PRPF6: variants seen among roughly 807,000 people sequenced by gnomAD.
PRPF6 encodes pre-mRNA processing factor 6, also known as pre-mRNA-processing factor 6.
A neutral mutation model predicts 118.3 loss-of-function variants in PRPF6; 42 were observed. The observed-to-expected ratio is 0.35, with a 90% CI of 0.28 to 0.46. The LOEUF (loss-of-function observed/expected upper bound fraction) is 0.46, where lower values mean the gene tolerates loss of function less well. Ranked by LOEUF, PRPF6 falls within the 20% of genes least tolerant of loss-of-function variation. The probability of loss-of-function intolerance (pLI) is 1.00; values close to 1 mark genes in which losing one functional copy is unlikely to be tolerated. For synonymous variants in PRPF6, 481 were observed against 485.1 expected (o/e 0.99, Z 0.11); for missense variants, 662 against 1,255.7 (o/e 0.53, Z 7.15).
At chr20:63,982,483 T>C (rs746512490) in intron 1 of PRPF6, among the ~76,000 whole-genome samples, 1 of 152,192 alleles carries the variant, frequency 6.6e-6, no homozygotes. Flanking sequence ...AATTTTTTAC[T>C]CAGAGCTGTG....
chr20:64,014,015 G>T (rs1413546566), intron 11 of PRPF6, among the ~76,000 whole-genome samples: 2 of 151,322 alleles, frequency 1.3e-5, no homozygotes, highest in Admixed American at 6.6e-5. Context: ...TTGGCTCTCT[G>T]CCACATTTGC....
Position 63,999,715 on chromosome 20 carries a change from G to T in PRPF6, c.979G>T (p.Val327Leu). The part of the protein sequence containing the change: ...RLEEVTGKLQ[V>L]ARNLIMKGTE... ...GGAAGAAGTCACTGGGAAGCTACAA[G>T]TAGCTCGGAACCTTATCATGAAGGG... The change falls in exon 8 of 21, where the codon GTA (valine) becomes TTA (leucine). Residue 327 changes from valine (V) to leucine (L), a missense_variant. Transcript: ENST00000266079. The T allele has an allele frequency of 6.2e-7, 1 of 1,614,214 alleles. No individual in the cohort carries two copies. Among genetic ancestry groups the T allele is most frequent in the Non-Finnish European group, 8.5e-7 (1 of 1,180,042 alleles).
In PRPF6 at chr20:64,026,132, G is replaced by T; in HGVS notation, c.2028+74G>T. 6.3e-7 allele frequency: 1 copy of T among 1,589,268 alleles called. No homozygotes were observed. Among genetic ancestry groups the T allele is most frequent in the Non-Finnish European group, 8.5e-7 (1 of 1,175,668 alleles). ...CATGCGGGCCCCACGCCTGGCTTGG[G>T]TGGTGATGGGAGTGAGATGACGGCA... On this transcript the variant is annotated intron_variant, in intron 15 of 20. Coordinates refer to ENST00000266079, the MANE Select transcript of PRPF6 (RefSeq NM_012469.4). This position sits in a 1 kb window ranked among gnomAD's most constrained non-coding sequence, Gnocchi z 4.4.
rs1315843709 is a variant in PRPF6 at position 64,029,483 on chromosome 20, C to T, written c.2538C>T (p.Ala846=). The T allele has an allele frequency of 2.0e-5, 32 of 1,613,952 alleles. No homozygotes were observed. The highest frequency in any genetic ancestry group is 5.5e-5 in the South Asian group (5 of 91,090). ...KCEHDPHVLL[A]VAKLFWSQRK... ...AGCATGACCCCCATGTGCTCCTGGC[C>T]GTGGCCAAGTGAGTGGGGCCCCCAC... Residue 846 remains alanine, a synonymous_variant, in exon 19 of 21, where the codon GCC becomes GCT. Coordinates refer to ENST00000266079, the MANE Select transcript of PRPF6 (RefSeq NM_012469.4). This position sits in a 1 kb window ranked among gnomAD's most constrained non-coding sequence, Gnocchi z 4.8.
chr20:63,983,150 C>T lies in PRPF6; in HGVS notation c.175C>T (p.Gln59Ter), dbSNP rs774774755. 6.2e-7 allele frequency: 1 copy of T among 1,614,106 alleles called. No individual in the cohort carries two copies. Among genetic ancestry groups the T allele is most frequent in the Non-Finnish European group, 8.5e-7 (1 of 1,180,030 alleles). ...CCCAGGCAAGAGAACCGTTGGGGAC[C>T]AGATGAAGAAAAATCAGGCTGCTGA... ...APPGKRTVGDQMKKNQAADDD... is the reference protein window; with the variant it reads ...APPGKRTVGD Residue 59 changes from glutamine (Q) to a stop codon, truncating the protein, a stop_gained, in exon 2 of 21, where the codon CAG (glutamine) becomes TAG (stop). Coordinates refer to ENST00000266079, the MANE Select transcript of PRPF6 (RefSeq NM_012469.4). LOFTEE classifies it high-confidence loss of function.
At position 64,028,077 on chromosome 20, in the gene PRPF6, A is replaced by G. The variant is rs57593633; in HGVS notation, c.2339+341A>G. Among the ~76,000 whole-genome samples the G allele has an allele frequency of 2.8e-3, 428 of 152,248 alleles. 3 individuals are homozygous for G. The highest frequency in any genetic ancestry group is 0.01 in the African/African-American group (417 of 41,552). On this transcript the variant is annotated intron_variant, in intron 17 of 20. Transcript: ENST00000266079. The surrounding 1 kb of genome is among the most constrained non-coding windows in gnomAD (Gnocchi z 6.5). ...GGCGTGGAGAGCCCTGGAGGTGGAC[A>G]GGAGCCTGCTAGGTGCAGGCTCTGT...
chr20:63,991,745 G>A (rs376847767), intron 3 of PRPF6, among the ~76,000 whole-genome samples: 4 of 151,656 alleles, frequency 2.6e-5, no homozygotes, highest in East Asian at 3.9e-4. Context: ...AGCTGAGATC[G>A]CACCACTGCA....
chr20:64,014,536 A>G (rs1375037719), intron 11 of PRPF6, among the ~76,000 whole-genome samples: 7 of 152,062 alleles, frequency 4.6e-5, no homozygotes, highest in African/African-American at 1.7e-4. Context: ...GGGCACCTAT[A>G]ATTCCAGCTA....
chr20:64,025,819 C>A, intron 14 of PRPF6, 120 bp from the exon 15 acceptor site: 1 of 1,575,550 alleles, frequency 6.3e-7, no homozygotes, highest in African/African-American at 1.3e-5. Flanking sequence ...TTGGACCAGA[C>A]TAATCCTGTA....
Position 63,983,053 on chromosome 20 carries a change from T to G in PRPF6, c.78T>G (p.Thr26=). ...TCTTGGGGGTCTCCTGCAGCGCCAC[T>G]GGCTTCACCACGCGGTCAGACATTG... ...GYVPGLGRGA[T]GFTTRSDIGP... The change falls in exon 2 of 21, where the codon ACT becomes ACG. Residue 26 remains threonine, a synonymous_variant. Transcript: ENST00000266079. 1 of 1,614,144 alleles carries G rather than the reference T, an allele frequency of 6.2e-7. No homozygotes were observed. Among genetic ancestry groups the G allele is most frequent in the Non-Finnish European group, 8.5e-7 (1 of 1,180,008 alleles).
rs2059305423 is a variant in PRPF6 at position 64,029,518 on chromosome 20, G to A, written c.2546+27G>A. 1.3e-6 allele frequency: 2 copies of A among 1,579,634 alleles called. No homozygotes were observed. Among genetic ancestry groups the A allele is most frequent in the Admixed American group, 3.3e-5 (2 of 59,956 alleles). ...TGAGTGGGGCCCCCACAGGATTGCT[G>A]AACCTCGGGGTCCTAATGGGCTCTT... On this transcript the variant is annotated intron_variant, in intron 19 of 20. Coordinates refer to ENST00000266079, the MANE Select transcript of PRPF6 (RefSeq NM_012469.4). This position sits in a 1 kb window ranked among gnomAD's most constrained non-coding sequence, Gnocchi z 4.8.
chr20:64,024,512 T>C (rs1030438716), intron 13 of PRPF6, 43 bp from the exon 14 acceptor site: 5 of 1,612,182 alleles, frequency 3.1e-6, no homozygotes, highest in East Asian at 2.2e-5. Flanking sequence ...TGTGTTCTGG[T>C]TTATGGCCCT....
rs112328183 is a variant in PRPF6, at chr20:64,032,068, G to A, written c.2673+24G>A. 34 of 1,613,396 alleles carry A rather than the reference G, an allele frequency of 2.1e-5. No individual in the cohort carries two copies. The East Asian group carries it at 6.7e-4, about 32-fold the overall frequency. ...AGGTGAGGCCCCTCGACAGACCGCC[G>A]CTCAGTGCCTTCTGGGACTGTGGCG... On this transcript the variant is annotated intron_variant, in intron 20 of 20. Transcript: ENST00000266079.
intron 14 of PRPF6, 60 bp from the exon 15 acceptor site, chr20:64,025,879 T>A: frequency 6.2e-7 from 1 of 1,612,678 alleles, no homozygotes; most frequent in African/African-American, 1.3e-5. Flanking sequence ...TGATTAAGTG[T>A]GATCAGGCGC....
rs181226345 is a variant in PRPF6, at chr20:64,028,320, G to A, written c.2340-158G>A. On this transcript the variant is annotated intron_variant, in intron 17 of 20. Coordinates refer to ENST00000266079, the MANE Select transcript of PRPF6 (RefSeq NM_012469.4). This position sits in a 1 kb window ranked among gnomAD's most constrained non-coding sequence, Gnocchi z 6.5. The stretch of plus-strand genomic sequence containing the variant: ...GGCTGGCAGGGATGTGGGCCCCAGC[G>A]CCTTGTTTCTGTGGTGGATGAGCTC... Among the ~76,000 whole-genome samples the A allele has an allele frequency of 3.6e-4, 55 of 152,334 alleles. No homozygotes were observed. Among genetic ancestry groups the A allele is most frequent in the African/African-American group, 1.3e-3 (53 of 41,578 alleles).
In PRPF6 at chr20:64,027,756, G is replaced by T. The variant is rs2059297446; in HGVS notation, c.2339+20G>T. ...GCTGTGGTGAGTCCTGGAGGGGGCA[G>T]CCTGGCCTCTGGGCACAGCTTCCCC... On this transcript the variant is annotated intron_variant, in intron 17 of 20. Transcript: ENST00000266079. This position sits in a 1 kb window ranked among gnomAD's most constrained non-coding sequence, Gnocchi z 6.5. The T allele has an allele frequency of 1.9e-6, 3 of 1,613,250 alleles. No individual in the cohort carries two copies. The African/African-American group carries it at 4.0e-5, about 22-fold the overall frequency.
intron 3 of PRPF6, among the ~76,000 whole-genome samples, chr20:63,988,823 C>T (rs377047893): frequency 1.3e-5 from 2 of 150,714 alleles, no homozygotes; most frequent in African/African-American, 2.4e-5. Context: ...CAGCTGAGAT[C>T]GTGCCATTGC....
In PRPF6 at chr20:64,031,967, C is replaced by T. The variant is rs1305895093; in HGVS notation, c.2596C>T (p.Arg866Cys). 1.2e-6 allele frequency: 2 copies of T among 1,614,014 alleles called. No homozygotes were observed. Among genetic ancestry groups the T allele is most frequent in the East Asian group, 2.2e-5 (1 of 44,884 alleles). Residue 866 changes from arginine (R) to cysteine (C), a missense_variant, in exon 20 of 21, where the codon CGC becomes TGC. This residue lies in a region of PRPF6 where 244 missense variants were observed against 383.7 expected (regional missense o/e 0.64). Coordinates refer to ENST00000266079, the MANE Select transcript of PRPF6 (RefSeq NM_012469.4). ...CACCAAGGCCAGGGAGTGGTTCCACCGCACTGTGAAGATTGACTCGGACCT... is the reference window on the plus strand; with the variant it reads ...CACCAAGGCCAGGGAGTGGTTCCACTGCACTGTGAAGATTGACTCGGACCT... ...KITKAREWFH[R>C]TVKIDSDLGD...
chr20:64,024,722 G>T, intron 14 of PRPF6, 29 bp downstream of exon 14: 1 of 1,607,556 alleles, frequency 6.2e-7, no homozygotes. Context: ...TGTGGTGAGG[G>T]GCCTGTGCAC....
Sources: allele counts gnomAD v4.1 joint callset (sites outside exome capture counted in the v4.1 genomes callset), GRCh38; gene constraint gnomAD v4.1.1; regional missense constraint gnomAD v4.1.1; non-coding constraint Gnocchi (gnomAD v3.1); transcripts MANE v1.5; gene names NCBI Gene and HGNC (gene_info 2026-07-23, HGNC 2026-07-21).